The following UPK3A variants were observed in gnomAD, a reference collection of about 807,000 sequenced individuals.
The protein encoded by UPK3A is uroplakin-3a.
UPK3A carries 32 observed loss-of-function variants against 27.6 expected under a neutral mutation model. The observed-to-expected ratio is 1.16, with a 90% CI of 0.87 to 1.55. The LOEUF is 1.55. Ranked by LOEUF, UPK3A falls within the 40% of genes most tolerant of loss-of-function variation. The pLI is 0.00. For synonymous variants in UPK3A, 171 were observed against 163.9 expected, an observed-to-expected ratio of 1.04 and a Z score of -0.33; for missense variants, 370 against 367.9, an observed-to-expected ratio of 1.01 and a Z score of -0.05.
intron 3 of UPK3A, among the ~76,000 whole-genome samples, chr22:45,288,102 A>C (rs2084132287): frequency 6.6e-6 from 1 of 152,188 alleles, no homozygotes; most frequent in African/African-American, 2.4e-5. Context: ...ACAGGAAAGG[A>C]AACTGTGCCA....
chr22:45,288,974 C>G, intron 3 of UPK3A, 87 bp from the exon 4 acceptor site: 1 of 1,361,678 alleles, frequency 7.3e-7, no homozygotes, highest in Non-Finnish European at 1.0e-6. Context: ...TCTCCCACCC[C>G]TAGGCCATCC....
intron 5 of UPK3A, among the ~76,000 whole-genome samples, chr22:45,294,417 C>CT (rs928091187): frequency 1.3e-5 from 2 of 151,656 alleles, no homozygotes; most frequent in African/African-American, 4.9e-5. Flanking sequence ...TGGTACACCC[C>CT]CCCCGGGAGA....
intron 1 of UPK3A, among the ~76,000 whole-genome samples, 197 bp from the exon 2 acceptor site, chr22:45,285,744 G>A (rs185910416): frequency 6.6e-6 from 1 of 152,266 alleles, no homozygotes; most frequent in East Asian, 1.9e-4. Context: ...GGGAGAGAAG[G>A]CAGCAGTTTG....
intron 4 of UPK3A, 79 bp downstream of exon 4, chr22:45,289,222 G>T: frequency 6.9e-7 from 1 of 1,454,872 alleles, no homozygotes; most frequent in Non-Finnish European, 9.6e-7. Context: ...GAGAACCAAG[G>T]CTCCTCTGTC....
Position 45,295,836 on chromosome 22 carries a change from T to A in UPK3A, c.*117T>A. 1 of 1,237,288 alleles carries A rather than the reference T, an allele frequency of 8.1e-7. No individual in the cohort carries two copies. The highest frequency in any genetic ancestry group is 1.2e-6 in the Non-Finnish European group (1 of 868,200). The allele number at this position is 1,237,288 out of a possible 1,614,324, so 76.6% of individuals were successfully genotyped here. On this transcript the variant is annotated 3_prime_UTR_variant, in exon 6 of 6. Transcript: ENST00000216211. The stretch of plus-strand genomic sequence containing the variant: ...GTGAAACAGGGCTTGTCCCTCCAAC[T>A]GCAGGAAAACCCTTAATAAAATCTT...
rs147627253 is a variant in UPK3A at position 45,286,331 on chromosome 22, A to G, written c.208+235A>G. On this transcript the variant is annotated intron_variant, in intron 2 of 5. Coordinates refer to ENST00000216211, the MANE Select transcript of UPK3A (RefSeq NM_006953.4). ...CAGGCACTTTGCACACCATAGAGCT[A>G]GTATCTACAACCAGCTTGTAAGGTA... Among the ~76,000 whole-genome samples, 208 of 152,326 alleles carry G rather than the reference A, an allele frequency of 1.4e-3. 7 individuals are homozygous for G. In the East Asian group the frequency reaches 0.039, roughly 28 times the overall value.
chr22:45,287,213 C>T lies in UPK3A; in HGVS notation c.250C>T (p.Pro84Ser). The T allele has an allele frequency of 6.2e-7, 1 of 1,614,232 alleles. No homozygotes were observed. Among genetic ancestry groups the T allele is most frequent in the Non-Finnish European group, 8.5e-7 (1 of 1,180,048 alleles). The change falls in exon 3 of 6, where the codon CCA becomes TCA. Residue 84 changes from proline to serine, a missense_variant. Physicochemically the swap from Pro to Ser is moderately conservative, Grantham distance 74. Coordinates refer to ENST00000216211, the MANE Select transcript of UPK3A (RefSeq NM_006953.4). The stretch of plus-strand genomic sequence containing the variant: ...CTCAGTGCAAGACAGCACCAACACC[C>T]CACTGGGCTCAACGTTCCTACAAAC... Reference protein sequence around the residue: ...NASVQDSTNTPLGSTFLQTEG... With the variant: ...NASVQDSTNTSLGSTFLQTEG...
At chr22:45,290,056 G>A (rs1319989941) in intron 4 of UPK3A, among the ~76,000 whole-genome samples, 2 of 152,182 alleles carry the variant, frequency 1.3e-5, no homozygotes, top group Non-Finnish European at 2.9e-5. Context: ...GATGGCAAAG[G>A]CAGCAAGGAA....
intron 3 of UPK3A, 149 bp from the exon 4 acceptor site, chr22:45,288,912 C>T: frequency 2.7e-6 from 2 of 753,516 alleles, no homozygotes; most frequent in Non-Finnish European, 2.3e-6. Flanking sequence ...TTGCCCAGAG[C>T]CCGCTCAGTA....
chr22:45,287,360 C>G lies in UPK3A; in HGVS notation c.397C>G (p.Leu133Val), dbSNP rs1395740965. The G allele has an allele frequency of 2.5e-6, 4 of 1,614,084 alleles. No homozygotes were observed. The highest frequency in any genetic ancestry group is 1.7e-6 in the Non-Finnish European group (2 of 1,179,958). ...SKASQILNAY[L>V]VRVGANGTCL... Reference sequence around the variant, plus strand: ...GGCCTCACAGATCCTGAATGCCTACCTGGTCAGGGTGGGTGCCAACGGGAC... The same window carrying G: ...GGCCTCACAGATCCTGAATGCCTACGTGGTCAGGGTGGGTGCCAACGGGAC... Residue 133 changes from leucine to valine, a missense_variant, in exon 3 of 6, where the codon CTG (leucine) becomes GTG (valine). Physicochemically the swap from Leu to Val is conservative, Grantham distance 32. Transcript: ENST00000216211.
intron 3 of UPK3A, among the ~76,000 whole-genome samples, chr22:45,288,205 T>TC (rs1244289188): frequency 1.3e-5 from 2 of 151,986 alleles, no homozygotes; most frequent in African/African-American, 4.8e-5. Flanking sequence ...TTCTGCTTTT[T>TC]TTTTTTTGAG....
chr22:45,288,058 G>T lies in UPK3A; in HGVS notation c.488+607G>T, dbSNP rs148748448. The stretch of plus-strand genomic sequence containing the variant: ...GCAGCTGGTCCTGGCCCATCTACGT[G>T]TGTGGAAGTCACCCACCCAAACCCC... On this transcript the variant is annotated intron_variant, in intron 3 of 5. Transcript: ENST00000216211. 2.0e-4 allele frequency among the ~76,000 whole-genome samples: 30 copies of T among 152,306 alleles called. No individual in the cohort carries two copies. In the East Asian group the frequency reaches 5.8e-3, roughly 29 times the overall value.
intron 1 of UPK3A, 104 bp downstream of exon 1, chr22:45,285,169 A>T (rs1299490995): frequency 1.1e-5 from 12 of 1,115,338 alleles, no homozygotes; most frequent in Non-Finnish European, 1.5e-5. Context: ...GGGGACCCAG[A>T]TATTACTGTT....
chr22:45,289,509 T>C (rs1297063055), intron 4 of UPK3A, among the ~76,000 whole-genome samples: 4 of 137,356 alleles, frequency 2.9e-5, no homozygotes, highest in Admixed American at 1.6e-4. Context: ...ACCCGGGAGG[T>C]GGAGCTTGCA....
At chr22:45,290,949 T>G (rs1306472526) in intron 4 of UPK3A, among the ~76,000 whole-genome samples, 2 of 152,178 alleles carry the variant, frequency 1.3e-5, no homozygotes, top group East Asian at 1.9e-4. Flanking sequence ...ACCGTCTACT[T>G]GCAGGAAAAC....
At chr22:45,292,170 GGAA>G (rs2084166398) in intron 4 of UPK3A, among the ~76,000 whole-genome samples, 1 of 152,184 alleles carries the variant, frequency 6.6e-6, no homozygotes, top group Admixed American at 6.5e-5. Flanking sequence ...CTGAGAAGAG[GGAA>G]GAAGAATTCT....
intron 5 of UPK3A, among the ~76,000 whole-genome samples, chr22:45,293,882 T>A (rs1401160768): frequency 1.3e-5 from 2 of 152,008 alleles, no homozygotes; most frequent in Non-Finnish European, 2.9e-5. Context: ...GCCTAGAACC[T>A]GGGACTCGGG....
intron 4 of UPK3A, among the ~76,000 whole-genome samples, chr22:45,291,557 A>G (rs2084161276): frequency 7.0e-6 from 1 of 141,936 alleles, no homozygotes; most frequent in African/African-American, 2.7e-5. Flanking sequence ...AGAGTGTGGC[A>G]GTGTGTGTGC....
intron 1 of UPK3A, 117 bp downstream of exon 1, chr22:45,285,182 G>T: frequency 1.1e-6 from 1 of 947,516 alleles, no homozygotes; most frequent in South Asian, 1.6e-5. Context: ...TTACTGTTAT[G>T]AATAATAGTG....
Sources: allele counts gnomAD v4.1 joint callset (sites outside exome capture counted in the v4.1 genomes callset), GRCh38; gene constraint gnomAD v4.1.1; transcripts MANE v1.5; gene names NCBI Gene and HGNC (gene_info 2026-07-23, HGNC 2026-07-21).